Variants in FOXP1 observed in about 807,000 individuals in gnomAD.
FOXP1 encodes the protein forkhead box P1, also known as forkhead box protein P1.
A neutral mutation model predicts 98.2 loss-of-function variants in FOXP1; 15 were observed. That is an observed-to-expected ratio of 0.15 (90% CI 0.10 to 0.24). FOXP1 has a LOEUF of 0.24. Ranked by LOEUF, FOXP1 falls within the 10% of genes least tolerant of loss-of-function variation. FOXP1 has a pLI of 1.00. For synonymous variants in FOXP1, 371 were observed against 314.5 expected (o/e 1.18, Z -1.90); for missense variants, 633 against 848.5 (o/e 0.75, Z 3.15).
At chr3:71,283,343 GCT>G (rs1253548448) in intron 5 of FOXP1, among the ~76,000 whole-genome samples, 1 of 151,854 alleles carries the variant, frequency 6.6e-6, no homozygotes, top group African/African-American at 2.4e-5. Context: ...AATGGCAGGT[GCT>G]CCCTCAAGTC....
At chr3:71,234,226 G>C (rs1023609636) in intron 5 of FOXP1, among the ~76,000 whole-genome samples, 5 of 151,900 alleles carry the variant, frequency 3.3e-5, no homozygotes, top group African/African-American at 9.7e-5. Context: ...TGGATAACCA[G>C]ATTATTTGCC....
At chr3:71,243,427 G>A (rs1576559090) in intron 5 of FOXP1, among the ~76,000 whole-genome samples, 1 of 152,174 alleles carries the variant, frequency 6.6e-6, no homozygotes, top group African/African-American at 2.4e-5. Flanking sequence ...TAGCACTCGA[G>A]TCCCGTGCTG....
At chr3:71,115,013 G>A (rs1012701320) in intron 6 of FOXP1, among the ~76,000 whole-genome samples, 1 of 152,166 alleles carries the variant, frequency 6.6e-6, no homozygotes, top group Non-Finnish European at 1.5e-5. Flanking sequence ...TATTGCACAT[G>A]AAGGTTTTAT....
chr3:71,259,900 C>T (rs1317706168), intron 5 of FOXP1, among the ~76,000 whole-genome samples: 1 of 152,142 alleles, frequency 6.6e-6, no homozygotes, highest in East Asian at 1.9e-4. Context: ...GGGGGTGCTG[C>T]TGGAGGCTCA....
At position 71,041,402 on chromosome 3, in the gene FOXP1, G is replaced by C; in HGVS notation, c.795C>G (p.Ser265=). ...GTGGGTTCATTATTAAGGAGGTCTT[G>C]GAAGGTGCAGAGGAGGAGACACATG... is the stretch of plus-strand genomic sequence containing the variant. ...TTTCVSSSAP[S]KTSLIMNPHA... The change falls in exon 11 of 21, where the codon TCC becomes TCG. Residue 265 remains serine, a synonymous_variant. Coordinates refer to ENST00000649528, the MANE Select transcript of FOXP1 (RefSeq NM_001349338.3). 1 of 1,613,840 alleles carries C rather than the reference G, an allele frequency of 6.2e-7. No homozygotes were observed. The highest frequency in any genetic ancestry group is 1.1e-5 in the South Asian group (1 of 91,084).
chr3:71,248,159 C>T (rs1362105367), intron 5 of FOXP1, among the ~76,000 whole-genome samples: 4 of 152,150 alleles, frequency 2.6e-5, no homozygotes, highest in Non-Finnish European at 4.4e-5. Flanking sequence ...TCATTTGCAA[C>T]CATAAGGTGC....
intron 7 of FOXP1, among the ~76,000 whole-genome samples, chr3:71,095,894 C>T (rs558827131): frequency 3.3e-5 from 5 of 152,298 alleles, no homozygotes; most frequent in African/African-American, 9.6e-5. Flanking sequence ...ATGAACTGTA[C>T]ATTTTAAATC....
chr3:71,456,237 C>T (rs1007176597), intron 3 of FOXP1, among the ~76,000 whole-genome samples: 1 of 151,924 alleles, frequency 6.6e-6, no homozygotes, highest in Non-Finnish European at 1.5e-5. Context: ...CACAGGGCAG[C>T]AGGCACAACA....
chr3:71,431,854 T>C (rs780450674), intron 3 of FOXP1, among the ~76,000 whole-genome samples: 6 of 152,192 alleles, frequency 3.9e-5, no homozygotes, highest in East Asian at 1.9e-4. Flanking sequence ...TCTGACTTCA[T>C]TGTGTAGTGT....
intron 13 of FOXP1, among the ~76,000 whole-genome samples, chr3:70,989,358 G>GAA (rs1027457207): frequency 1.3e-5 from 2 of 151,084 alleles, no homozygotes; most frequent in Non-Finnish European, 3.0e-5. Flanking sequence ...AAGAAAGAAA[G>GAA]AAAAAAACAG....
intron 6 of FOXP1, among the ~76,000 whole-genome samples, chr3:71,173,477 G>A (rs1484795064): frequency 6.6e-6 from 1 of 151,644 alleles, no homozygotes; most frequent in Admixed American, 6.6e-5. Flanking sequence ...AGGATAGCAT[G>A]ATCTTCTGAT....
At chr3:71,279,213 A>G (rs2071250913) in intron 5 of FOXP1, among the ~76,000 whole-genome samples, 2 of 151,000 alleles carry the variant, frequency 1.3e-5, no homozygotes, top group South Asian at 4.2e-4. Context: ...AGGAATTGAT[A>G]CCATTGTTCC....
At chr3:71,163,420 C>T (rs1021359035) in intron 6 of FOXP1, among the ~76,000 whole-genome samples, 3 of 152,206 alleles carry the variant, frequency 2.0e-5, no homozygotes, top group Admixed American at 6.5e-5. Flanking sequence ...TAGACAATTG[C>T]TTTTTTGGCT....
At chr3:71,564,501 A>C (rs550181986) in intron 2 of FOXP1, among the ~76,000 whole-genome samples, 1 of 152,296 alleles carries the variant, frequency 6.6e-6, no homozygotes, top group Non-Finnish European at 1.5e-5. Flanking sequence ...GTAAATCAGA[A>C]AGGTTAATAA....
intron 3 of FOXP1, among the ~76,000 whole-genome samples, chr3:71,391,634 G>A (rs959858303): frequency 6.6e-6 from 1 of 152,210 alleles, no homozygotes; most frequent in Non-Finnish European, 1.5e-5. Flanking sequence ...TAACTGCGGA[G>A]CGTTACTACA....
chr3:71,117,089 C>CT (rs11380918), intron 6 of FOXP1, among the ~76,000 whole-genome samples: 54,870 of 148,390 alleles, frequency 0.37, 10,888 homozygotes, highest in East Asian at 0.65. Flanking sequence ...AGAGATAAAT[C>CT]TTTTTTTTTT....
At chr3:71,093,469 T>C (rs2056119845) in intron 7 of FOXP1, among the ~76,000 whole-genome samples, 1 of 140,872 alleles carries the variant, frequency 7.1e-6, no homozygotes. Flanking sequence ...ACTAGCCACA[T>C]TTCAAGTTCT....
intron 4 of FOXP1, among the ~76,000 whole-genome samples, chr3:71,348,153 CACTT>C (rs2077492904): frequency 6.6e-6 from 1 of 152,138 alleles, no homozygotes; most frequent in African/African-American, 2.4e-5. Context: ...GTACTGTACT[CACTT>C]ATTTTCAGAC....
intron 5 of FOXP1, among the ~76,000 whole-genome samples, chr3:71,250,635 A>G (rs2068107740): frequency 1.3e-5 from 2 of 152,224 alleles, no homozygotes; most frequent in Admixed American, 6.5e-5. Context: ...TCTAAAATTG[A>G]AAGTGTTTTT....
Sources: gnomAD v4.1 joint callset for allele counts (sites outside exome capture counted in the v4.1 genomes callset) on GRCh38, gnomAD v4.1.1 for gene constraint, MANE v1.5 for transcripts, NCBI Gene and HGNC (gene_info 2026-07-23, HGNC 2026-07-21) for gene names.